The following PPP1R12B variants were observed in gnomAD, a reference collection of about 807,000 sequenced individuals.
The protein encoded by PPP1R12B is protein phosphatase 1 regulatory subunit 12B.
A neutral mutation model predicts 126.1 loss-of-function variants in PPP1R12B; 76 were observed. The observed-to-expected ratio is 0.60, with a 90% CI of 0.50 to 0.73. PPP1R12B has a LOEUF of 0.73. PPP1R12B is among the 30% of genes least tolerant of loss of function. PPP1R12B has a pLI of 0.00. For missense variants in PPP1R12B, 1,052 were observed against 1,205.1 expected (o/e 0.87, Z 1.88); for synonymous variants, 356 against 434.7 (o/e 0.82, Z 2.25).
chr1:202,513,418 G>A (rs1210097564), intron 18 of PPP1R12B, among the ~76,000 whole-genome samples: 10 of 152,174 alleles, frequency 6.6e-5, no homozygotes, highest in Non-Finnish European at 2.9e-5. Flanking sequence ...GAATTCAGGA[G>A]GAAGAATATG....
chr1:202,393,759 A>G (rs1460928626), intron 1 of PPP1R12B, among the ~76,000 whole-genome samples: 1 of 152,210 alleles, frequency 6.6e-6, no homozygotes, highest in Admixed American at 6.5e-5. Flanking sequence ...TGCTGCTATG[A>G]ACAAAAGAAG....
chr1:202,545,213 G>T (rs542808959), intron 18 of PPP1R12B, among the ~76,000 whole-genome samples: 31 of 152,312 alleles, frequency 2.0e-4, no homozygotes, highest in South Asian at 1.0e-3. Flanking sequence ...CGTTTTGGGG[G>T]TTTTTTATTT....
chr1:202,393,055 C>T (rs1446553556), intron 1 of PPP1R12B, among the ~76,000 whole-genome samples: 1 of 152,140 alleles, frequency 6.6e-6, no homozygotes, highest in Non-Finnish European at 1.5e-5. Flanking sequence ...AAGGGATTCT[C>T]GTGCCTCAGC....
intron 18 of PPP1R12B, among the ~76,000 whole-genome samples, chr1:202,514,479 G>A (rs1402305453): frequency 2.0e-5 from 3 of 152,142 alleles, no homozygotes; most frequent in Admixed American, 2.0e-4. Context: ...TGCTTTTGGT[G>A]TCCTCGTCAT....
At chr1:202,377,662 A>T (rs1661420904) in intron 1 of PPP1R12B, among the ~76,000 whole-genome samples, 1 of 151,842 alleles carries the variant, frequency 6.6e-6, no homozygotes, top group Non-Finnish European at 1.5e-5. Flanking sequence ...GATTGATTGG[A>T]GGAAGGAGGG....
chr1:202,421,330 A>G (rs945558471), intron 2 of PPP1R12B, among the ~76,000 whole-genome samples: 5 of 143,498 alleles, frequency 3.5e-5, no homozygotes, highest in African/African-American at 1.3e-4. Context: ...TAAATCTCCT[A>G]CAGTGTCTAA....
At chr1:202,572,500 A>G (rs1451988806) in intron 23 of PPP1R12B, among the ~76,000 whole-genome samples, 1 of 152,180 alleles carries the variant, frequency 6.6e-6, no homozygotes, top group East Asian at 1.9e-4. Flanking sequence ...CTGGACTTTT[A>G]TTGGAAAGGT....
At chr1:202,472,213 T>G in intron 13 of PPP1R12B, 2 of 498,394 alleles carry the variant, frequency 4.0e-6, no homozygotes, top group Middle Eastern at 5.2e-4. Flanking sequence ...ATAGTACTTT[T>G]TAGTTTGTCT....
At chr1:202,574,553 G>C (rs1285563218) in intron 23 of PPP1R12B, among the ~76,000 whole-genome samples, 1 of 152,142 alleles carries the variant, frequency 6.6e-6, no homozygotes, top group East Asian at 1.9e-4. Flanking sequence ...GGGAAGATTA[G>C]AGGAAGGGAG....
At chr1:202,438,513 T>A (rs1318857042) in intron 10 of PPP1R12B, 4 of 406,024 alleles carry the variant, frequency 9.9e-6, no homozygotes, top group Non-Finnish European at 1.9e-5. Context: ...AGGAGGAAGA[T>A]GACCTGAAAG....
Position 202,436,859 on chromosome 1 carries a change from TG to T in PPP1R12B, c.1255-961del, listed in dbSNP as rs773493618. ...ACCCTTTGACCTCTAGTTTTTTTTT[TG>T]TTTTTTTTTGTTGTTGTTGTTTTTG... is the stretch of plus-strand genomic sequence containing the variant. On this transcript the variant is annotated intron_variant, in intron 9 of 23. Coordinates refer to ENST00000608999, the MANE Select transcript of PPP1R12B (RefSeq NM_002481.4). Among the ~76,000 whole-genome samples, 140 of 152,018 alleles carry T rather than the reference TG, an allele frequency of 9.2e-4. 2 individuals carry two copies. The highest frequency in any genetic ancestry group is 2.3e-3 in the Admixed American group (35 of 15,244).
intron 1 of PPP1R12B, among the ~76,000 whole-genome samples, chr1:202,390,623 C>T (rs1663992391): frequency 6.6e-6 from 1 of 151,888 alleles, no homozygotes; most frequent in Admixed American, 6.5e-5. Flanking sequence ...CTTAACCTCC[C>T]AAGTAACAAG....
chr1:202,469,198 A>G lies in PPP1R12B; in HGVS notation c.1851-19335A>G, dbSNP rs185554379. On this transcript the variant is annotated intron_variant, in intron 13 of 23. Transcript: ENST00000608999. ...GATGTAATGATAAAGTGTAGTCCCT[A>G]CCTTCCTAGAACTTCGAGAATGGTG... 1.3e-4 allele frequency among the ~76,000 whole-genome samples: 20 copies of G among 152,320 alleles called. No individual in the cohort carries two copies. In the East Asian group the frequency reaches 3.5e-3, roughly 26 times the overall value.
chr1:202,390,662 CTTT>C (rs35412743), intron 1 of PPP1R12B, among the ~76,000 whole-genome samples: 2 of 135,214 alleles, frequency 1.5e-5, no homozygotes, highest in Admixed American at 7.6e-5. Flanking sequence ...TCACATCCAG[CTTT>C]TTTTTTTTTT....
intron 14 of PPP1R12B, among the ~76,000 whole-genome samples, chr1:202,488,949 G>A (rs1678505944): frequency 6.6e-6 from 1 of 152,128 alleles, no homozygotes; most frequent in Non-Finnish European, 1.5e-5. Context: ...AGGATGAGGT[G>A]GGAGAATTGC....
chr1:202,454,907 G>A (rs2148735621), intron 13 of PPP1R12B, among the ~76,000 whole-genome samples: 1 of 151,828 alleles, frequency 6.6e-6, no homozygotes, highest in East Asian at 1.9e-4. Context: ...CGACCACAGA[G>A]CACAACCCTG....
rs368051793 is a variant in PPP1R12B, at chr1:202,430,735, G to A, written c.926G>A (p.Arg309Gln). The A allele has an allele frequency of 1.2e-5, 19 of 1,611,008 alleles. No homozygotes were observed. The highest frequency in any genetic ancestry group is 6.7e-5 in the Admixed American group (4 of 59,772). Residue 309 changes from arginine to glutamine, a missense_variant, in exon 7 of 24, where the codon CGA becomes CAA. Arg to Gln is a conservative substitution (Grantham distance 43). Transcript: ENST00000608999. ...CTCTGTTTTCTCCATTTCCAGCTTCGAAGTGAAAAGGAGACACGGAATAAA... is the reference window on the plus strand; with the variant it reads ...CTCTGTTTTCTCCATTTCCAGCTTCAAAGTGAAAAGGAGACACGGAATAAA... ...ELLQKKQNVL[R>Q]SEKETRNKLI...
At chr1:202,361,921 A>T (rs1273268346) in intron 1 of PPP1R12B, among the ~76,000 whole-genome samples, 3 of 152,034 alleles carry the variant, frequency 2.0e-5, no homozygotes, top group Non-Finnish European at 4.4e-5. Flanking sequence ...TCATATGGAG[A>T]TTGGGTTGAT....
At chr1:202,372,176 A>G (rs1660395201) in intron 1 of PPP1R12B, among the ~76,000 whole-genome samples, 1 of 151,854 alleles carries the variant, frequency 6.6e-6, no homozygotes, top group Non-Finnish European at 1.5e-5. Context: ...CAGCCCCTTC[A>G]TTATATTTTC....
Sources: allele counts gnomAD v4.1 joint callset (sites outside exome capture counted in the v4.1 genomes callset), GRCh38; gene constraint gnomAD v4.1.1; transcripts MANE v1.5; gene names NCBI Gene and HGNC (gene_info 2026-07-23, HGNC 2026-07-21).